The following SETBP1 variants were observed in gnomAD, a reference collection of about 807,000 sequenced individuals.
SETBP1 encodes the protein SET binding protein 1.
Under a neutral mutation model 101.0 loss-of-function variants are expected in SETBP1, and 9 were observed. That is an observed-to-expected ratio of 0.09 (90% CI 0.05 to 0.16). The LOEUF (loss-of-function observed/expected upper bound fraction) is 0.16. Among genes scored for constraint, SETBP1 ranks in the 10% least tolerant of loss-of-function variants. SETBP1 has a pLI of 1.00. For synonymous variants in SETBP1, 818 were observed against 788.5 expected (o/e 1.04, Z -0.63); for missense variants, 1,858 against 2,033.8 (o/e 0.91, Z 1.66).
At chr18:45,023,118 T>C (rs957057215) in intron 4 of SETBP1, among the ~76,000 whole-genome samples, 3 of 152,250 alleles carry the variant, frequency 2.0e-5, no homozygotes, top group Non-Finnish European at 4.4e-5. Flanking sequence ...AAAATTATCA[T>C]ACTGGTTGCC....
intron 3 of SETBP1, among the ~76,000 whole-genome samples, chr18:44,920,200 G>T (rs1003731190): frequency 6.6e-6 from 1 of 152,172 alleles, no homozygotes; most frequent in Admixed American, 6.6e-5. Flanking sequence ...CATGGCAGAA[G>T]AGTAGGAGAG....
chr18:44,952,395 C>T lies in SETBP1; in HGVS notation c.3055C>T (p.Arg1019Cys), dbSNP rs767260608. 3.1e-5 allele frequency: 50 copies of T among 1,614,094 alleles called. No homozygotes were observed. Among genetic ancestry groups the T allele is most frequent in the Non-Finnish European group, 4.2e-5 (50 of 1,180,024 alleles). Reference protein sequence around the residue: ...RTSDLKSKKKRGRPAKTNDTM... With the variant: ...RTSDLKSKKKCGRPAKTNDTM... ...TTCAGACTTGAAGTCAAAGAAGAAG[C>T]GTGGTAGGCCTGCAAAAACCAATGA... The change falls in exon 4 of 6, where the codon CGT (arginine) becomes TGT (cysteine). Residue 1019 changes from arginine (R) to cysteine (C), a missense_variant. Arg to Cys is a radical substitution (Grantham distance 180, BLOSUM62 -3). Coordinates refer to ENST00000649279, the MANE Select transcript of SETBP1 (RefSeq NM_015559.3).
chr18:44,773,510 C>A (rs182159463), intron 2 of SETBP1, among the ~76,000 whole-genome samples: 1 of 152,210 alleles, frequency 6.6e-6, no homozygotes, highest in African/African-American at 2.4e-5. Context: ...TTCTTCACAA[C>A]AGAGCATTGA....
chr18:44,741,967 A>G (rs1052799019), intron 2 of SETBP1, among the ~76,000 whole-genome samples: 2 of 152,050 alleles, frequency 1.3e-5, no homozygotes, highest in Non-Finnish European at 2.9e-5. Flanking sequence ...TCTGGCCTCT[A>G]AGGACGGAGG....
chr18:45,029,763 T>C (rs1042337086), intron 4 of SETBP1, among the ~76,000 whole-genome samples: 1 of 152,196 alleles, frequency 6.6e-6, no homozygotes, highest in Non-Finnish European at 1.5e-5. Context: ...TTTTATTCCC[T>C]TTGAAGCAAT....
intron 2 of SETBP1, among the ~76,000 whole-genome samples, chr18:44,727,796 C>A (rs2069747769): frequency 6.6e-6 from 1 of 152,174 alleles, no homozygotes; most frequent in South Asian, 2.1e-4. Context: ...TGAGATGCTG[C>A]TTCCCTTGTT....
intron 2 of SETBP1, among the ~76,000 whole-genome samples, chr18:44,826,415 T>C (rs2072239245): frequency 6.6e-6 from 1 of 152,132 alleles, no homozygotes. Flanking sequence ...TGGCCTTTCT[T>C]TTTTTCTCTC....
At chr18:45,013,100 A>G (rs2072872474) in intron 4 of SETBP1, among the ~76,000 whole-genome samples, 2 of 152,224 alleles carry the variant, frequency 1.3e-5, no homozygotes, top group Admixed American at 1.3e-4. Flanking sequence ...ACCTCACACA[A>G]ACTCCAGGTT....
At chr18:44,795,964 A>T (rs1437207172) in intron 2 of SETBP1, among the ~76,000 whole-genome samples, 1 of 152,206 alleles carries the variant, frequency 6.6e-6, no homozygotes, top group Non-Finnish European at 1.5e-5. Context: ...CACTGTGAAG[A>T]TGCTAGTTCT....
chr18:44,839,298 A>G (rs1225654550), intron 2 of SETBP1, among the ~76,000 whole-genome samples: 3 of 152,214 alleles, frequency 2.0e-5, no homozygotes, highest in Non-Finnish European at 4.4e-5. Context: ...CTGCCAAAAT[A>G]GAAAGTCTAA....
At chr18:44,804,153 A>G (rs138981905) in intron 2 of SETBP1, among the ~76,000 whole-genome samples, 1 of 152,266 alleles carries the variant, frequency 6.6e-6, no homozygotes, top group East Asian at 1.9e-4. Context: ...CCAAGAGGTT[A>G]TAAAATTGAA....
chr18:44,997,707 T>C (rs1205321509), intron 4 of SETBP1, among the ~76,000 whole-genome samples: 1 of 152,228 alleles, frequency 6.6e-6, no homozygotes, highest in African/African-American at 2.4e-5. Context: ...TTGTACATGC[T>C]GGCATCTTCT....
chr18:44,906,356 T>C (rs773530427), intron 3 of SETBP1, among the ~76,000 whole-genome samples: 1 of 152,214 alleles, frequency 6.6e-6, no homozygotes, highest in Non-Finnish European at 1.5e-5. Context: ...GCACCTACTC[T>C]GTTTGTCCTT....
intron 2 of SETBP1, among the ~76,000 whole-genome samples, chr18:44,863,269 G>T (rs547626812): frequency 6.6e-6 from 1 of 152,166 alleles, no homozygotes; most frequent in East Asian, 1.9e-4. Flanking sequence ...AGAGTCCCCA[G>T]TACCCAGTAT....
chr18:44,930,289 C>T (rs1468607011), intron 3 of SETBP1, among the ~76,000 whole-genome samples: 2 of 152,328 alleles, frequency 1.3e-5, no homozygotes, highest in African/African-American at 4.8e-5. Context: ...ATGAAGCCAA[C>T]TTGATCGTGG....
intron 2 of SETBP1, among the ~76,000 whole-genome samples, chr18:44,793,340 T>C (rs780286696): frequency 1.7e-4 from 26 of 152,172 alleles, no homozygotes; most frequent in Admixed American, 5.9e-4. Context: ...GAGATTCTGA[T>C]TGAAAAGGCC....
intron 2 of SETBP1, among the ~76,000 whole-genome samples, chr18:44,853,891 A>C (rs1388669281): frequency 6.6e-6 from 1 of 152,114 alleles, no homozygotes. Flanking sequence ...TCAGTTAGCA[A>C]CTTCTACTCA....
At chr18:44,812,119 A>G (rs1457825531) in intron 2 of SETBP1, among the ~76,000 whole-genome samples, 2 of 151,498 alleles carry the variant, frequency 1.3e-5, no homozygotes, top group African/African-American at 2.4e-5. Context: ...TCATGAGGAG[A>G]CTCTCATGAG....
intron 2 of SETBP1, among the ~76,000 whole-genome samples, chr18:44,834,165 A>T (rs188466730): frequency 6.6e-6 from 1 of 151,674 alleles, no homozygotes; most frequent in African/African-American, 2.4e-5. Context: ...TTGTATATAG[A>T]TCTCCAAGGA....
Sources: gnomAD v4.1 joint callset for allele counts (sites outside exome capture counted in the v4.1 genomes callset) on GRCh38, gnomAD v4.1.1 for gene constraint, MANE v1.5 for transcripts, NCBI Gene and HGNC (gene_info 2026-07-23, HGNC 2026-07-21) for gene names.